MID1: variants seen among roughly 807,000 people sequenced by gnomAD.
MID1 encodes the protein E3 ubiquitin-protein ligase Midline-1.
MID1 carries 7 observed loss-of-function variants against 40.4 expected under a neutral mutation model. That is an observed-to-expected ratio of 0.17 (90% confidence interval 0.10 to 0.33). MID1 has a LOEUF of 0.33. Among genes scored for constraint, MID1 ranks in the 10% least tolerant of loss-of-function variants. The pLI is 1.00. For synonymous variants in MID1, 229 were observed against 221.2 expected, an observed-to-expected ratio of 1.04 and a Z score of -0.31; for missense variants, 367 against 558.5, an observed-to-expected ratio of 0.66 and a Z score of 3.46.
rs191947321 is a variant in MID1, at chrX:10,481,566, A to G, written c.1013+914T>C. ...GCAATTCTCCTGCCTCAGCCTCCCA[A>G]GTAGCTGGGATTACAGGCGCCTGCC... On this transcript the variant is annotated intron_variant, in intron 5 of 9. Transcript: ENST00000317552. Among the ~76,000 whole-genome samples the G allele has an allele frequency of 7.5e-3, 836 of 111,467 alleles. 9 individuals are homozygous for G. Among genetic ancestry groups the G allele is most frequent in the African/African-American group, 0.025 (779 of 30,692 alleles).
At chrX:10,727,073 T>G (rs1341518031) in intron 1 of MID1, among the ~76,000 whole-genome samples, 3 of 112,353 alleles carry the variant, frequency 2.7e-5, no homozygotes, top group Non-Finnish European at 5.6e-5. Context: ...TATGGCAGAA[T>G]GAAGACCCAT....
At chrX:10,506,999 C>T (rs1372989584) in intron 3 of MID1, among the ~76,000 whole-genome samples, 4 of 111,739 alleles carry the variant, frequency 3.6e-5, no homozygotes, top group South Asian at 3.8e-4. Context: ...CATCTAGTGA[C>T]TCCTAACTTC....
In MID1 at chrX:10,562,080, C is replaced by T. The variant is rs187546326; in HGVS notation, c.660+4808G>A. On this transcript the variant is annotated intron_variant, in intron 2 of 9. Coordinates refer to ENST00000317552, the MANE Select transcript of MID1 (RefSeq NM_000381.4). ...TTCATGTCCTTTGCAAGGACACGGA[C>T]GAAGCTGGAACCCATCATTCTCAGC... is the stretch of plus-strand genomic sequence containing the variant. Among the ~76,000 whole-genome samples the T allele has an allele frequency of 5.5e-4, 58 of 105,689 alleles. 2 individuals are homozygous for T. The highest frequency in any genetic ancestry group is 4.8e-3 in the Admixed American group (49 of 10,131). 91.8% of individuals were successfully genotyped at this position (105,689 alleles called of 115,157 possible).
chrX:10,469,795 T>C lies in MID1; in HGVS notation c.1187A>G (p.Tyr396Cys). ...TIREELCTAS[Y>C]DTITVHWTSD... ...GGTCCAATGCACAGTGATGGTGTCA[T>C]ATGAAGCTGTGCAGAGCTCTTCTCT... The change falls in exon 7 of 10, where the codon TAT (tyrosine) becomes TGT (cysteine). Residue 396 changes from tyrosine (Y) to cysteine (C), a missense_variant. Transcript: ENST00000317552. The C allele has an allele frequency of 1.7e-6, 2 of 1,211,028 alleles. No homozygotes were observed. The highest frequency in any genetic ancestry group is 1.1e-6 in the Non-Finnish European group (1 of 895,067).
intron 6 of MID1, among the ~76,000 whole-genome samples, chrX:10,473,176 G>A (rs1929807115): frequency 8.9e-6 from 1 of 111,872 alleles, no homozygotes; most frequent in Non-Finnish European, 1.9e-5. Flanking sequence ...CCCCATGTGG[G>A]AGGCAGCTAA....
chrX:10,663,963 C>T (rs944388491), intron 1 of MID1, among the ~76,000 whole-genome samples: 1 of 111,543 alleles, frequency 9.0e-6, no homozygotes, highest in Admixed American at 9.5e-5. Flanking sequence ...ATACATGCCA[C>T]AAATACACAA....
chrX:10,583,889 G>C (rs1379407645), intron 1 of MID1, among the ~76,000 whole-genome samples: 2 of 110,614 alleles, frequency 1.8e-5, no homozygotes, highest in African/African-American at 6.6e-5. Context: ...AAATTAGCTG[G>C]GCACGGTGGC....
At chrX:10,644,673 T>C (rs985910428) in intron 1 of MID1, among the ~76,000 whole-genome samples, 1 of 111,156 alleles carries the variant, frequency 9.0e-6, no homozygotes, top group Non-Finnish European at 1.9e-5. Flanking sequence ...ATCAGTTCTT[T>C]AGCACTTTTC....
intron 9 of MID1, among the ~76,000 whole-genome samples, chrX:10,453,770 T>C (rs1928487622): frequency 8.9e-6 from 1 of 112,145 alleles, no homozygotes; most frequent in South Asian, 3.8e-4. Context: ...AGATAATGTT[T>C]GTGGACTGCT....
At chrX:10,699,654 T>C (rs1488692183) in intron 1 of MID1, among the ~76,000 whole-genome samples, 1 of 111,754 alleles carries the variant, frequency 8.9e-6, no homozygotes. Context: ...GTGTCACCCT[T>C]AGTCTCTGTG....
chrX:10,718,883 C>T (rs1016740845), intron 1 of MID1, among the ~76,000 whole-genome samples: 4 of 111,831 alleles, frequency 3.6e-5, no homozygotes, highest in African/African-American at 1.3e-4. Context: ...GGATGCAAGG[C>T]AGGTTCAACA....
At chrX:10,585,645 G>T (rs1188298369) in intron 1 of MID1, among the ~76,000 whole-genome samples, 2 of 111,154 alleles carry the variant, frequency 1.8e-5, no homozygotes, top group South Asian at 7.7e-4. Context: ...AGGATTAAGG[G>T]GGTTGGTTAT....
chrX:10,727,237 C>G (rs2043399403), intron 1 of MID1, among the ~76,000 whole-genome samples: 1 of 112,122 alleles, frequency 8.9e-6, no homozygotes. Flanking sequence ...GCCTCAGCCT[C>G]CCAAGTAGCT....
chrX:10,706,870 T>C (rs2043235149), intron 1 of MID1, among the ~76,000 whole-genome samples: 1 of 111,968 alleles, frequency 8.9e-6, no homozygotes, highest in Non-Finnish European at 1.9e-5. Context: ...GAAATATGTT[T>C]TATAGTCAAC....
intron 1 of MID1, among the ~76,000 whole-genome samples, chrX:10,584,352 G>A (rs1382037523): frequency 2.7e-5 from 3 of 112,190 alleles, no homozygotes; most frequent in Non-Finnish European, 5.6e-5. Context: ...TTGATTCTAC[G>A]ATGTTAACTC....
At chrX:10,626,434 G>A (rs1396400901) in intron 1 of MID1, among the ~76,000 whole-genome samples, 1 of 109,941 alleles carries the variant, frequency 9.1e-6, no homozygotes, top group Non-Finnish European at 1.9e-5. Flanking sequence ...CAAACTCCTG[G>A]GCACGAGCCA....
At chrX:10,782,742 C>T (rs1444765892) in intron 1 of MID1, among the ~76,000 whole-genome samples, 1 of 111,848 alleles carries the variant, frequency 8.9e-6, no homozygotes, top group Non-Finnish European at 1.9e-5. Context: ...TATACTTTTT[C>T]TAGTAATTTA....
At chrX:10,718,584 A>C (rs186219845) in intron 1 of MID1, among the ~76,000 whole-genome samples, 5 of 111,736 alleles carry the variant, frequency 4.5e-5, no homozygotes, top group African/African-American at 1.6e-4. Context: ...AAGTCCAGGA[A>C]CAGATGGATT....
intron 1 of MID1, among the ~76,000 whole-genome samples, chrX:10,618,615 T>C (rs1455912164): frequency 1.8e-5 from 2 of 111,903 alleles, no homozygotes; most frequent in East Asian, 2.8e-4. Context: ...ACTATATGTG[T>C]ACTTGTACCC....
Sources: gnomAD v4.1 joint callset for allele counts (sites outside exome capture counted in the v4.1 genomes callset) on GRCh38, gnomAD v4.1.1 for gene constraint, MANE v1.5 for transcripts, NCBI Gene and HGNC (gene_info 2026-07-23, HGNC 2026-07-21) for gene names.